ANAPC10: variants seen among roughly 807,000 people sequenced by gnomAD.
The protein encoded by ANAPC10 is anaphase-promoting complex subunit 10.
A neutral mutation model predicts 22.0 loss-of-function variants in ANAPC10; 12 were observed. The ratio of observed to expected loss-of-function variants is 0.55; its 90% CI spans 0.35 to 0.88. The LOEUF is 0.88. Among genes scored for constraint, ANAPC10 ranks in the 40% least tolerant of loss-of-function variants. The probability of loss-of-function intolerance (pLI) is 0.01; values close to 1 mark genes in which losing one functional copy is unlikely to be tolerated. For missense variants in ANAPC10, 188 were observed against 220.9 expected, an observed-to-expected ratio of 0.85 and a Z score of 0.94; for synonymous variants, 65 against 69.5, an observed-to-expected ratio of 0.94 and a Z score of 0.32.
At chr4:145,051,641 CT>C (rs547045096) in intron 4 of ANAPC10, among the ~76,000 whole-genome samples, 5 of 151,914 alleles carry the variant, frequency 3.3e-5, no homozygotes, top group African/African-American at 7.2e-5. Context: ...AAGAACTATT[CT>C]TTTTTTTCAT....
At chr4:145,046,964 C>CT (rs1740399632) in intron 4 of ANAPC10, among the ~76,000 whole-genome samples, 1 of 152,028 alleles carries the variant, frequency 6.6e-6, no homozygotes, top group Admixed American at 6.6e-5. Flanking sequence ...CATTACAAAG[C>CT]TAACAGAGAA....
At chr4:145,019,965 A>G (rs1735743167) in intron 4 of ANAPC10, among the ~76,000 whole-genome samples, 1 of 152,158 alleles carries the variant, frequency 6.6e-6, no homozygotes, top group Non-Finnish European at 1.5e-5. Flanking sequence ...ACAAAAAAAA[A>G]GGCCAGGCCC....
chr4:145,080,069 A>G (rs1745749488), intron 3 of ANAPC10, among the ~76,000 whole-genome samples: 1 of 139,604 alleles, frequency 7.2e-6, no homozygotes, highest in East Asian at 2.3e-4. Context: ...AACAGAGATC[A>G]CGCCACTGCG....
At chr4:145,056,032 T>G (rs1165555079) in intron 4 of ANAPC10, among the ~76,000 whole-genome samples, 1 of 152,164 alleles carries the variant, frequency 6.6e-6, no homozygotes, top group Admixed American at 6.5e-5. Flanking sequence ...CCTATGAACT[T>G]CTGGTATTGT....
At chr4:145,036,623 T>C (rs1443896728) in intron 4 of ANAPC10, among the ~76,000 whole-genome samples, 2 of 152,170 alleles carry the variant, frequency 1.3e-5, no homozygotes, top group Non-Finnish European at 2.9e-5. Flanking sequence ...GCTGGTACTA[T>C]AAGCATATGC....
chr4:145,014,205 T>G (rs1177187417), intron 4 of ANAPC10, among the ~76,000 whole-genome samples: 2 of 152,118 alleles, frequency 1.3e-5, no homozygotes, highest in East Asian at 3.9e-4. Flanking sequence ...TTCTCAGGTC[T>G]GCTTGCCCAC....
chr4:145,085,302 A>T (rs1746699771), intron 2 of ANAPC10, among the ~76,000 whole-genome samples: 2 of 152,134 alleles, frequency 1.3e-5, no homozygotes, highest in South Asian at 4.1e-4. Flanking sequence ...CTCCAATATA[A>T]AGAGTTATAG....
At chr4:145,043,768 G>A (rs574669148) in intron 4 of ANAPC10, among the ~76,000 whole-genome samples, 4 of 152,206 alleles carry the variant, frequency 2.6e-5, no homozygotes, top group South Asian at 4.1e-4. Context: ...AATGAAGGCT[G>A]ATATCTGCTG....
chr4:145,074,720 A>T (rs997896055), intron 3 of ANAPC10, among the ~76,000 whole-genome samples: 1 of 152,176 alleles, frequency 6.6e-6, no homozygotes. Context: ...CATCTATACA[A>T]ATAAATAACC....
intron 4 of ANAPC10, among the ~76,000 whole-genome samples, chr4:145,015,694 A>T (rs897883001): frequency 1.3e-5 from 2 of 152,150 alleles, no homozygotes; most frequent in Non-Finnish European, 2.9e-5. Flanking sequence ...AGACAAAAGT[A>T]CCAGGTAACC....
chr4:145,001,034 T>C (rs1052812198), intron 4 of ANAPC10, among the ~76,000 whole-genome samples: 3 of 151,860 alleles, frequency 2.0e-5, no homozygotes, highest in African/African-American at 7.3e-5. Flanking sequence ...GGGCCTGTCG[T>C]AGGGTGCAGG....
At chr4:145,067,415 C>T (rs1743868301) in intron 3 of ANAPC10, among the ~76,000 whole-genome samples, 1 of 152,072 alleles carries the variant, frequency 6.6e-6, no homozygotes, top group African/African-American at 2.4e-5. Context: ...ATAAGTAACA[C>T]TCCTGGACAC....
chr4:145,001,191 TGAAA>T (rs1035042762), intron 4 of ANAPC10, among the ~76,000 whole-genome samples: 36 of 117,012 alleles, frequency 3.1e-4, no homozygotes, highest in African/African-American at 1.0e-3. Flanking sequence ...AATAAATGAA[TGAAA>T]GAAAGAAAGA....
intron 4 of ANAPC10, among the ~76,000 whole-genome samples, chr4:145,038,142 C>T (rs1332109963): frequency 6.6e-6 from 1 of 151,830 alleles, no homozygotes; most frequent in East Asian, 1.9e-4. Context: ...CCAGACAAGC[C>T]TGGCAACATA....
At chr4:145,020,369 G>C (rs1044369273) in intron 4 of ANAPC10, among the ~76,000 whole-genome samples, 2 of 152,082 alleles carry the variant, frequency 1.3e-5, no homozygotes, top group African/African-American at 4.8e-5. Context: ...AAAAGCATTT[G>C]ACAAAATCCA....
intron 4 of ANAPC10, among the ~76,000 whole-genome samples, chr4:144,995,813 A>G (rs1220483147): frequency 1.3e-5 from 2 of 152,346 alleles, no homozygotes; most frequent in Non-Finnish European, 1.5e-5. Context: ...TTAGTAGACA[A>G]AATAAAAATA....
chr4:145,092,336 T>TA (rs887454999), intron 2 of ANAPC10, among the ~76,000 whole-genome samples: 17 of 151,414 alleles, frequency 1.1e-4, no homozygotes, highest in Admixed American at 3.9e-4. Context: ...AAATTTAAAT[T>TA]AAAAAAAATC....
intron 3 of ANAPC10, among the ~76,000 whole-genome samples, chr4:145,073,756 G>A (rs865969963): frequency 2.0e-5 from 3 of 151,874 alleles, no homozygotes; most frequent in Middle Eastern, 6.8e-3. Context: ...ATTTTTCTCA[G>A]CATTCTTGTG....
chr4:145,005,870 C>G (rs1367756582), intron 4 of ANAPC10, among the ~76,000 whole-genome samples: 2 of 151,692 alleles, frequency 1.3e-5, no homozygotes, highest in Admixed American at 1.3e-4. Context: ...TGTTTTATGC[C>G]TGATTGTGTG....
Sources: gnomAD v4.1 joint callset for allele counts (sites outside exome capture counted in the v4.1 genomes callset) on GRCh38, gnomAD v4.1.1 for gene constraint, MANE v1.5 for transcripts, NCBI Gene and HGNC (gene_info 2026-07-23, HGNC 2026-07-21) for gene names.